EPAS1: variants seen among roughly 807,000 people sequenced by gnomAD.
EPAS1 encodes endothelial PAS domain protein 1.
Under a neutral mutation model 87.9 loss-of-function variants are expected in EPAS1, and 23 were observed. That is an observed-to-expected ratio of 0.26 (90% CI 0.19 to 0.37). The LOEUF (loss-of-function observed/expected upper bound fraction) is 0.37, where lower values mean the gene tolerates loss of function less well. EPAS1 is among the 10% of genes least tolerant of loss of function. The pLI, the probability that EPAS1 is intolerant of heterozygous loss-of-function variation, is 1.00. For synonymous variants in EPAS1, 508 were observed against 444.3 expected, an observed-to-expected ratio of 1.14 and a Z score of -1.80; for missense variants, 1,138 against 1,120.7, an observed-to-expected ratio of 1.02 and a Z score of -0.22.
In EPAS1 at chr2:46,377,908, G is replaced by A. The variant is rs930105250; in HGVS notation, c.1264G>A (p.Glu422Lys). The change falls in exon 10 of 16, where the codon GAG (glutamate) becomes AAG (lysine). Residue 422 changes from glutamate (E) to lysine (K), a missense_variant. Coordinates refer to ENST00000263734, the MANE Select transcript of EPAS1 (RefSeq NM_001430.5). Reference protein sequence around the residue: ...ISLDFGNQNFEESSAYGKAIL... With the variant: ...ISLDFGNQNFKESSAYGKAIL... Reference sequence around the variant, plus strand: ...TGTCTCCACAGGGAATCAGAACTTCGAGGAGTCCTCAGCCTATGGCAAGGC... The same window carrying A: ...TGTCTCCACAGGGAATCAGAACTTCAAGGAGTCCTCAGCCTATGGCAAGGC... The A allele has an allele frequency of 7.7e-6, 12 of 1,552,790 alleles. No homozygotes were observed. Among genetic ancestry groups the A allele is most frequent in the Non-Finnish European group, 8.7e-6 (10 of 1,147,544 alleles).
intron 2 of EPAS1, among the ~76,000 whole-genome samples, chr2:46,348,989 T>C (rs1365207272): frequency 1.3e-5 from 2 of 152,208 alleles, no homozygotes; most frequent in East Asian, 3.8e-4. Flanking sequence ...TTAAGATTGC[T>C]CAAAGTCACA....
intron 6 of EPAS1, among the ~76,000 whole-genome samples, chr2:46,361,345 T>G (rs1359880983): frequency 6.6e-6 from 1 of 152,154 alleles, no homozygotes; most frequent in Non-Finnish European, 1.5e-5. Flanking sequence ...TTCTCATCAT[T>G]GTGGTGTGAA....
intron 1 of EPAS1, among the ~76,000 whole-genome samples, chr2:46,317,142 C>G (rs1192781634): frequency 6.6e-6 from 1 of 152,238 alleles, no homozygotes; most frequent in Non-Finnish European, 1.5e-5. Flanking sequence ...TTGAACCCCT[C>G]AAAGTCATCC....
chr2:46,325,499 C>T (rs1052532739), intron 1 of EPAS1, among the ~76,000 whole-genome samples: 1 of 152,198 alleles, frequency 6.6e-6, no homozygotes, highest in African/African-American at 2.4e-5. Context: ...TGACATGACT[C>T]ACTTTGGTGG....
intron 1 of EPAS1, among the ~76,000 whole-genome samples, chr2:46,315,665 C>T (rs1330698691): frequency 6.6e-6 from 1 of 152,262 alleles, no homozygotes; most frequent in African/African-American, 2.4e-5. Context: ...TCCTTGCTCC[C>T]TGAATGGCTG....
chr2:46,306,273 T>A, intron 1 of EPAS1, among the ~76,000 whole-genome samples: 1 of 152,208 alleles, frequency 6.6e-6, no homozygotes, highest in East Asian at 1.9e-4. Flanking sequence ...CTACTTTGTA[T>A]AAGTTTTTTC....
intron 6 of EPAS1, among the ~76,000 whole-genome samples, chr2:46,366,235 C>T (rs1684499207): frequency 6.6e-6 from 1 of 152,228 alleles, no homozygotes; most frequent in South Asian, 2.1e-4. Context: ...AGCACTCACG[C>T]TGTAGCCAAG....
At chr2:46,307,305 G>A (rs1488551807) in intron 1 of EPAS1, among the ~76,000 whole-genome samples, 3 of 152,174 alleles carry the variant, frequency 2.0e-5, no homozygotes, top group Admixed American at 6.5e-5. Flanking sequence ...GTGTGGTGTT[G>A]CTGGACACAC....
chr2:46,370,015 G>A (rs1684594553), intron 7 of EPAS1, 82 bp downstream of exon 7: 1 of 1,029,024 alleles, frequency 9.7e-7, no homozygotes, highest in Non-Finnish European at 1.5e-6. Context: ...TGAGACAGAA[G>A]ACCAGGTCAC....
Position 46,347,289 on chromosome 2 carries a change from A to G in EPAS1, c.217+226A>G. 1.6e-6 allele frequency: 1 copy of G among 606,418 alleles called. No homozygotes were observed. The highest frequency in any genetic ancestry group is 2.9e-6 in the Non-Finnish European group (1 of 341,532). 37.6% of individuals were successfully genotyped at this position (606,418 alleles called of 1,614,324 possible). A position where few individuals can be genotyped will look rare whatever the true frequency, so the allele number is the denominator to read the frequency against. The stretch of plus-strand genomic sequence containing the variant: ...GTGAGAGGAGGGCAGGGACAGGACC[A>G]GGGAAGAACATGGGCACCCAGAGGC... On this transcript the variant is annotated intron_variant, in intron 2 of 15. Transcript: ENST00000263734. The surrounding 1 kb of genome is among the most constrained non-coding windows in gnomAD (Gnocchi z 4.2).
At chr2:46,369,688 A>C (rs144902980) in intron 6 of EPAS1, 139 bp from the exon 7 acceptor site, 15 of 701,476 alleles carry the variant, frequency 2.1e-5, no homozygotes, top group South Asian at 2.1e-4. Context: ...GCTTGGATAC[A>C]TGGTACAACA....
intron 2 of EPAS1, among the ~76,000 whole-genome samples, chr2:46,350,554 C>G: frequency 6.6e-6 from 1 of 152,162 alleles, no homozygotes; most frequent in East Asian, 1.9e-4. Flanking sequence ...TTAGCTGCCA[C>G]GCTGGGCTGA....
intron 11 of EPAS1, chr2:46,379,849 A>T: frequency 2.9e-6 from 1 of 349,500 alleles, no homozygotes; most frequent in Middle Eastern, 9.7e-4. Context: ...TGTGCACCAC[A>T]GGCCTAAGCA....
chr2:46,353,901 A>G (rs1253643902), intron 2 of EPAS1, among the ~76,000 whole-genome samples: 1 of 152,248 alleles, frequency 6.6e-6, no homozygotes, highest in Non-Finnish European at 1.5e-5. Flanking sequence ...CCACCGGGGC[A>G]TTACTCTGTA....
rs1274021524 is a variant in EPAS1, at chr2:46,360,767, A to G, written c.573+11A>G. ...TCAGCCACCTGGAAGGTAGGGCAAC[A>G]TCAGGCCTGGGTTGGAGTCCCAGGT... On this transcript the variant is annotated intron_variant, in intron 5 of 15. Transcript: ENST00000263734. The surrounding 1 kb of genome is among the most constrained non-coding windows in gnomAD (Gnocchi z 4.5). 1.9e-6 allele frequency: 3 copies of G among 1,613,904 alleles called. No homozygotes were observed. The highest frequency in any genetic ancestry group is 2.5e-6 in the Non-Finnish European group (3 of 1,179,826).
At chr2:46,382,298 C>T in intron 14 of EPAS1, 127 bp from the exon 15 acceptor site, 1 of 1,292,916 alleles carries the variant, frequency 7.7e-7, no homozygotes. Flanking sequence ...ATCAGAGGGT[C>T]CTGAAGGTTG....
chr2:46,327,751 T>C (rs1683592177), intron 1 of EPAS1, among the ~76,000 whole-genome samples: 2 of 152,156 alleles, frequency 1.3e-5, no homozygotes, highest in African/African-American at 4.8e-5. Flanking sequence ...AATTCATCTG[T>C]TGAGTGACTT....
At position 46,381,587 on chromosome 2, in the gene EPAS1, G is replaced by A. The variant is rs200508084; in HGVS notation, c.2046-9G>A. The A allele has an allele frequency of 1.5e-4, 240 of 1,613,962 alleles. No individual in the cohort carries two copies. The highest frequency in any genetic ancestry group is 2.1e-5 in the Non-Finnish European group (25 of 1,180,014). On this transcript the variant is annotated splice_polypyrimidine_tract_variant and intron_variant, in intron 12 of 15. Transcript: ENST00000263734. ...ACTCCCTCATAGCCTGCTCTCTCGG[G>A]CTTGGCAGGTCTGCAAAGGGTTTTG...
At chr2:46,384,395 G>A in intron 15 of EPAS1, 114 bp from the exon 16 acceptor site, 3 of 1,436,370 alleles carry the variant, frequency 2.1e-6, no homozygotes. Context: ...CACCACTGAA[G>A]GAGCAGAGTG....
Sources: allele counts gnomAD v4.1 joint callset (sites outside exome capture counted in the v4.1 genomes callset), GRCh38; gene constraint gnomAD v4.1.1; non-coding constraint Gnocchi (gnomAD v3.1); transcripts MANE v1.5; gene names NCBI Gene and HGNC (gene_info 2026-07-23, HGNC 2026-07-21).